Variants in MTUS2 observed in about 807,000 individuals in gnomAD.
The protein encoded by MTUS2 is microtubule associated scaffold protein 2.
A neutral mutation model predicts 114.1 loss-of-function variants in MTUS2; 40 were observed. The ratio of observed to expected loss-of-function variants is 0.35; its 90% confidence interval spans 0.27 to 0.46. The LOEUF (loss-of-function observed/expected upper bound fraction) is 0.46, where lower values mean the gene tolerates loss of function less well. MTUS2 is among the 20% of genes least tolerant of loss of function. MTUS2 has a pLI of 1.00. For missense variants in MTUS2, 1,679 were observed against 1,705.4 expected, an observed-to-expected ratio of 0.98 and a Z score of 0.27; for synonymous variants, 688 against 672.0, an observed-to-expected ratio of 1.02 and a Z score of -0.37.
chr13:29,244,319 C>T (rs1421027959), intron 5 of MTUS2, among the ~76,000 whole-genome samples: 1 of 152,088 alleles, frequency 6.6e-6, no homozygotes, highest in Non-Finnish European at 1.5e-5. Flanking sequence ...GACTTACAGT[C>T]ATGATCGAGG....
intron 5 of MTUS2, among the ~76,000 whole-genome samples, chr13:29,206,864 T>A (rs1207477933): frequency 6.6e-6 from 1 of 152,220 alleles, no homozygotes; most frequent in African/African-American, 2.4e-5. Flanking sequence ...TTTGTTCTTT[T>A]TGCTTAGCCT....
chr13:29,004,509 A>T (rs1356225514), intron 2 of MTUS2, among the ~76,000 whole-genome samples: 1 of 152,216 alleles, frequency 6.6e-6, no homozygotes, highest in African/African-American at 2.4e-5. Context: ...GAAGTATGGG[A>T]TTTATTACCT....
chr13:29,192,021 G>C (rs751310992), intron 5 of MTUS2, among the ~76,000 whole-genome samples: 2 of 152,188 alleles, frequency 1.3e-5, no homozygotes, highest in African/African-American at 4.8e-5. Context: ...ATAGAAGTCC[G>C]TAAGGAGGAT....
chr13:29,423,909 G>A (rs1330290168), intron 8 of MTUS2, among the ~76,000 whole-genome samples: 1 of 151,276 alleles, frequency 6.6e-6, no homozygotes, highest in African/African-American at 2.4e-5. Flanking sequence ...TTGTCGCCCA[G>A]GCTACAATGC....
At chr13:29,395,837 G>T (rs180777121) in intron 8 of MTUS2, among the ~76,000 whole-genome samples, 10 of 152,276 alleles carry the variant, frequency 6.6e-5, no homozygotes, top group African/African-American at 9.6e-5. Flanking sequence ...TTTAGAATAT[G>T]ATGTCTTTCT....
chr13:29,415,753 T>A (rs893225517), intron 8 of MTUS2, among the ~76,000 whole-genome samples: 3 of 152,172 alleles, frequency 2.0e-5, no homozygotes, highest in Non-Finnish European at 2.9e-5. Context: ...TAATTATATA[T>A]ATTATGCATA....
intron 2 of MTUS2, among the ~76,000 whole-genome samples, chr13:28,983,853 C>G (rs979799277): frequency 9.2e-5 from 14 of 152,226 alleles, no homozygotes; most frequent in African/African-American, 3.4e-4. Context: ...TCACTGCTGC[C>G]AAGCACCTTG....
At chr13:28,949,434 A>G (rs1566245408) in intron 2 of MTUS2, among the ~76,000 whole-genome samples, 1 of 152,164 alleles carries the variant, frequency 6.6e-6, no homozygotes, top group Non-Finnish European at 1.5e-5. Flanking sequence ...ACAATATCCA[A>G]TTCTCATAAT....
chr13:29,404,728 G>C (rs1483230709), intron 8 of MTUS2, among the ~76,000 whole-genome samples: 1 of 152,060 alleles, frequency 6.6e-6, no homozygotes, highest in Non-Finnish European at 1.5e-5. Context: ...AGGCATAAAG[G>C]GTAAAGATGT....
chr13:28,881,087 G>A (rs2453705), intron 2 of MTUS2, among the ~76,000 whole-genome samples: 152,242 of 152,282 alleles, frequency 1, 76,101 homozygotes, highest in Non-Finnish European at 1. Flanking sequence ...CCATGTAGTG[G>A]ACACTGTACC....
At chr13:29,067,737 T>C (rs1013024543) in intron 4 of MTUS2, among the ~76,000 whole-genome samples, 1 of 152,062 alleles carries the variant, frequency 6.6e-6, no homozygotes, top group Non-Finnish European at 1.5e-5. Context: ...ATAGAAGTGC[T>C]ACAGTGGCCT....
At chr13:29,047,264 A>T (rs923734050) in intron 4 of MTUS2, among the ~76,000 whole-genome samples, 1 of 152,190 alleles carries the variant, frequency 6.6e-6, no homozygotes. Flanking sequence ...CTGCAGGGTT[A>T]TGGTGAAAGT....
At chr13:29,164,545 T>A (rs1893234835) in intron 5 of MTUS2, among the ~76,000 whole-genome samples, 1 of 152,234 alleles carries the variant, frequency 6.6e-6, no homozygotes, top group South Asian at 2.1e-4. Context: ...GCCTTTTTAG[T>A]TTCAGTCTAT....
intron 6 of MTUS2, chr13:29,307,190 A>G (rs1466116154): frequency 3.8e-6 from 2 of 529,502 alleles, no homozygotes; most frequent in East Asian, 8.0e-5. Context: ...GTGACCCATG[A>G]GAATTATGAC....
rs927081862 is a variant in MTUS2, at chr13:29,059,290, C to A, written c.2446+25165C>A. On this transcript the variant is annotated intron_variant, in intron 4 of 15. Coordinates refer to ENST00000612955, the MANE Select transcript of MTUS2 (RefSeq NM_001033602.4). ...GATGCCTTTGGGTGTTTGATTATGG[C>A]ATAAGGTGGATTTAGTCAACTGGCT... Among the ~76,000 whole-genome samples the A allele has an allele frequency of 2.4e-5, 3 of 127,340 alleles. No homozygotes were observed. In the Admixed American group the frequency reaches 3.0e-4, roughly 13 times the overall value. The allele number at this position is 127,340 out of a possible 152,430, so 83.5% of individuals were successfully genotyped here.
chr13:29,216,946 G>A (rs4769692), intron 5 of MTUS2, among the ~76,000 whole-genome samples: 112,601 of 152,122 alleles, frequency 0.74, 41,770 homozygotes, highest in East Asian at 0.8. Context: ...GCCCATCCTA[G>A]TGGGTGTGAG....
intron 9 of MTUS2, among the ~76,000 whole-genome samples, chr13:29,456,312 CA>C (rs1879106787): frequency 6.6e-6 from 1 of 151,930 alleles, no homozygotes; most frequent in African/African-American, 2.4e-5. Flanking sequence ...ATCAGAAGAA[CA>C]GAGAGAAAAA....
chr13:29,019,656 G>A (rs1317843665), intron 2 of MTUS2, among the ~76,000 whole-genome samples: 3 of 152,212 alleles, frequency 2.0e-5, no homozygotes, highest in Non-Finnish European at 4.4e-5. Context: ...TTTAATTAAT[G>A]ATGTGGAACT....
intron 8 of MTUS2, among the ~76,000 whole-genome samples, chr13:29,408,392 T>C (rs1346227295): frequency 2.0e-5 from 3 of 152,216 alleles, no homozygotes; most frequent in Admixed American, 2.0e-4. Flanking sequence ...CATAGCTCAC[T>C]GCGGCCTCCA....
Sources: gnomAD v4.1 joint callset for allele counts (sites outside exome capture counted in the v4.1 genomes callset) on GRCh38, gnomAD v4.1.1 for gene constraint, MANE v1.5 for transcripts, NCBI Gene and HGNC (gene_info 2026-07-23, HGNC 2026-07-21) for gene names.